The following AAMDC variants were observed in gnomAD, a reference collection of about 807,000 sequenced individuals.
The protein encoded by AAMDC is mth938 domain-containing protein.
Under a neutral mutation model 15.5 loss-of-function variants are expected in AAMDC, and 16 were observed. The observed-to-expected ratio is 1.03, with a 90% confidence interval of 0.70 to 1.57. The LOEUF (loss-of-function observed/expected upper bound fraction) is 1.57, where lower values mean the gene tolerates loss of function less well. AAMDC is among the 40% of genes most tolerant of loss of function. AAMDC has a pLI of 0.00. For missense variants in AAMDC, 141 were observed against 144.9 expected (o/e 0.97, Z 0.14); for synonymous variants, 51 against 51.6 (o/e 0.99, Z 0.05).
chr11:77,874,068 A>T (rs553307308), downstream of AAMDC, among the ~76,000 whole-genome samples: 1 of 152,224 alleles, frequency 6.6e-6, no homozygotes, highest in South Asian at 2.1e-4. Flanking sequence ...AAGTGAAGGG[A>T]TTTATTTTTT....
At chr11:77,881,007 C>T (rs1482399293) in intron 5 of AAMDC, among the ~76,000 whole-genome samples, 1 of 152,118 alleles carries the variant, frequency 6.6e-6, no homozygotes, top group East Asian at 1.9e-4. Context: ...GGACTCAGCC[C>T]TACAGGGTCA....
At chr11:77,861,743 A>C (rs185508812) in intron 2 of AAMDC, among the ~76,000 whole-genome samples, 314 of 152,332 alleles carry the variant, frequency 2.1e-3, no homozygotes, top group Non-Finnish European at 3.7e-3. Flanking sequence ...TCCGTGTTCC[A>C]GAGCCTCCAA....
chr11:77,876,905 C>T (rs189800556), downstream of AAMDC: 537 of 697,974 alleles, frequency 7.7e-4, 3 homozygotes, highest in African/African-American at 8.0e-3. Flanking sequence ...AATTACAGCA[C>T]GATGGGCTCA....
intron 1 of AAMDC, among the ~76,000 whole-genome samples, chr11:77,835,427 A>C (rs1949639891): frequency 6.6e-6 from 1 of 151,942 alleles, no homozygotes; most frequent in Non-Finnish European, 1.5e-5. Flanking sequence ...CCAGACTTTA[A>C]ACTTTGTCTT....
intron 2 of AAMDC, among the ~76,000 whole-genome samples, chr11:77,858,244 G>A (rs1433030116): frequency 6.1e-5 from 9 of 147,998 alleles, no homozygotes; most frequent in Non-Finnish European, 1.5e-5. Flanking sequence ...ACCCAGGCTG[G>A]AGTGCAGTTG....
At chr11:77,883,909 G>A in intron 5 of AAMDC, 1 of 1,613,334 alleles carries the variant, frequency 6.2e-7, no homozygotes, top group Non-Finnish European at 8.5e-7. Flanking sequence ...GAAGTCTGCA[G>A]GCTTGGGGTG....
Position 77,842,501 on chromosome 11 carries a change from C to T in AAMDC, c.5C>T (p.Thr2Ile). 6.2e-7 allele frequency: 1 copy of T among 1,613,682 alleles called. No homozygotes were observed. The highest frequency in any genetic ancestry group is 1.1e-5 in the South Asian group (1 of 90,970). Residue 2 changes from threonine to isoleucine, a missense_variant, in exon 2 of 4, where the codon ACT (threonine) becomes ATT (isoleucine). Transcript: ENST00000393427. M[T>I]SPEIASLSWG... Reference sequence around the variant, plus strand: ...CAGACTTCAGTGAAGTTCCTTATGACTTCCCCTGAAATTGCTTCCTTATCA... The same window carrying T: ...CAGACTTCAGTGAAGTTCCTTATGATTTCCCCTGAAATTGCTTCCTTATCA...
intron 5 of AAMDC, chr11:77,900,551 C>CTTTT: frequency 3.6e-6 from 2 of 560,618 alleles, no homozygotes; most frequent in African/African-American, 2.0e-5. Context: ...CTCTATGGCA[C>CTTTT]TTTTTTTTTT....
At chr11:77,841,548 G>A (rs956323630) in intron 1 of AAMDC, among the ~76,000 whole-genome samples, 5 of 152,126 alleles carry the variant, frequency 3.3e-5, no homozygotes, top group Admixed American at 1.3e-4. Flanking sequence ...AAGTCCAGCT[G>A]TTGTATGTCT....
At chr11:77,892,956 T>C (rs1192825185) in intron 5 of AAMDC, among the ~76,000 whole-genome samples, 1 of 152,190 alleles carries the variant, frequency 6.6e-6, no homozygotes, top group Non-Finnish European at 1.5e-5. Flanking sequence ...GTGAAGGTAG[T>C]GTTGCAACTC....
At chr11:77,827,683 T>G (rs1357893347) in intron 1 of AAMDC, among the ~76,000 whole-genome samples, 1 of 152,180 alleles carries the variant, frequency 6.6e-6, no homozygotes, top group African/African-American at 2.4e-5. Context: ...TGCTGAAAAC[T>G]AATTCCTCCC....
At chr11:77,828,694 A>T (rs1485978881) in intron 1 of AAMDC, among the ~76,000 whole-genome samples, 1 of 152,032 alleles carries the variant, frequency 6.6e-6, no homozygotes, top group Non-Finnish European at 1.5e-5. Flanking sequence ...AAAGAAAGAA[A>T]ATTATAAAAC....
At chr11:77,870,284 T>C (rs957112034) in intron 3 of AAMDC, among the ~76,000 whole-genome samples, 4 of 150,666 alleles carry the variant, frequency 2.7e-5, no homozygotes, top group African/African-American at 9.7e-5. Context: ...CCTCCCAAAA[T>C]GCTAGGATTA....
At chr11:77,840,476 C>A (rs1475222196) in intron 1 of AAMDC, among the ~76,000 whole-genome samples, 2 of 152,168 alleles carry the variant, frequency 1.3e-5, no homozygotes. Flanking sequence ...TTGCAGTGAG[C>A]CAAGATCGCA....
chr11:77,883,509 A>ACT, intron 5 of AAMDC, among the ~76,000 whole-genome samples: 5 of 152,320 alleles, frequency 3.3e-5, no homozygotes, highest in Admixed American at 3.3e-4. Context: ...AAGGTGACCA[A>ACT]GCAAGTCGGT....
At chr11:77,830,129 T>G (rs1949354456) in intron 1 of AAMDC, 1 of 151,882 alleles carries the variant, frequency 6.6e-6, no homozygotes. Context: ...ACCCTGTACC[T>G]AAAAGAAGAA....
In AAMDC at chr11:77,869,798, G is replaced by A. The variant is rs1224647671; in HGVS notation, c.209G>A (p.Gly70Glu). ...KGVQTLVIGR[G>E]MSEALKVPSS... Reference sequence around the variant, plus strand: ...GTACAGACTCTTGTGATTGGCCGAGGGATGAGTGAGGCCTTGAAGGTAGGT... The same window carrying A: ...GTACAGACTCTTGTGATTGGCCGAGAGATGAGTGAGGCCTTGAAGGTAGGT... The change falls in exon 3 of 4, where the codon GGG (glycine) becomes GAG (glutamate). Residue 70 changes from glycine to glutamate, a missense_variant. Coordinates refer to ENST00000393427, the MANE Select transcript of AAMDC (RefSeq NM_024684.4). The A allele has an allele frequency of 6.2e-7, 1 of 1,613,848 alleles. No homozygotes were observed. The highest frequency in any genetic ancestry group is 1.1e-5 in the South Asian group (1 of 91,062).
intron 2 of AAMDC, among the ~76,000 whole-genome samples, chr11:77,861,475 C>T (rs184499932): frequency 6.6e-6 from 1 of 152,146 alleles, no homozygotes; most frequent in South Asian, 2.1e-4. Context: ...GTCAAGTATA[C>T]CCGGGGCTCT....
At chr11:77,885,229 C>T (rs531607327) in intron 5 of AAMDC, among the ~76,000 whole-genome samples, 2 of 152,100 alleles carry the variant, frequency 1.3e-5, no homozygotes, top group African/African-American at 2.4e-5. Context: ...AGGCGCCCAC[C>T]GTCATGCCCG....
Sources: allele counts gnomAD v4.1 joint callset (sites outside exome capture counted in the v4.1 genomes callset), GRCh38; gene constraint gnomAD v4.1.1; transcripts MANE v1.5; gene names NCBI Gene and HGNC (gene_info 2026-07-23, HGNC 2026-07-21).